Variants in PRKN observed in about 807,000 individuals in gnomAD.
The protein encoded by PRKN is E3 ubiquitin-protein ligase parkin.
A neutral mutation model predicts 59.5 loss-of-function variants in PRKN; 56 were observed. The ratio of observed to expected loss-of-function variants is 0.94; its 90% CI spans 0.76 to 1.18. The LOEUF (loss-of-function observed/expected upper bound fraction) is 1.18. PRKN is among the 50% of genes most tolerant of loss of function. The pLI, the probability that PRKN is intolerant of heterozygous loss-of-function variation, is 0.00. For synonymous variants in PRKN, 250 were observed against 222.1 expected, an observed-to-expected ratio of 1.13 and a Z score of -1.12; for missense variants, 657 against 596.4, an observed-to-expected ratio of 1.10 and a Z score of -1.06.
intron 7 of PRKN, among the ~76,000 whole-genome samples, chr6:161,758,691 T>A (rs778467920): frequency 3.3e-5 from 5 of 152,038 alleles, no homozygotes; most frequent in Admixed American, 2.0e-4. Flanking sequence ...TAAACCAACA[T>A]TAGCCATTTA....
At chr6:161,851,806 G>A (rs919083534) in intron 6 of PRKN, among the ~76,000 whole-genome samples, 2 of 151,490 alleles carry the variant, frequency 1.3e-5, no homozygotes, top group African/African-American at 4.8e-5. Context: ...GTTACTGTGG[G>A]CCAGGTGCAG....
intron 5 of PRKN, among the ~76,000 whole-genome samples, chr6:161,990,821 T>C (rs1307984557): frequency 1.3e-5 from 2 of 152,148 alleles, no homozygotes; most frequent in Admixed American, 1.3e-4. Context: ...ATCAAAGACA[T>C]GGAAAGCCTA....
rs1257822470 is a variant in PRKN at position 161,405,543 on chromosome 6, A to AC, written c.1084-18667dup. ...TAGTGACCCAAGATCGTGCCATTGC[A>AC]CCCCACTCCAGCCTGGGTGACAAAG... is the stretch of plus-strand genomic sequence containing the variant. On this transcript the variant is annotated intron_variant, in intron 9 of 11. Coordinates refer to ENST00000366898, the MANE Select transcript of PRKN (RefSeq NM_004562.3). The surrounding 1 kb of genome is among the most constrained non-coding windows in gnomAD (Gnocchi z 5.1). Among the ~76,000 whole-genome samples the AC allele has an allele frequency of 2.0e-5, 3 of 152,004 alleles. No homozygotes were observed. The highest frequency in any genetic ancestry group is 7.2e-5 in the African/African-American group (3 of 41,426).
At chr6:161,874,064 T>TATTATATGTAAAATATATATAA (rs1288791886) in intron 6 of PRKN, among the ~76,000 whole-genome samples, 36 of 14,652 alleles carry the variant, frequency 2.5e-3, no homozygotes, top group African/African-American at 9.6e-3. Context: ...ATATAATATA[T>TATTATATGTAAAATATATATAA]AATATATATT....
At chr6:161,883,550 A>C (rs1795022282) in intron 6 of PRKN, among the ~76,000 whole-genome samples, 1 of 152,094 alleles carries the variant, frequency 6.6e-6, no homozygotes, top group South Asian at 2.1e-4. Context: ...GAAACACAAC[A>C]CTGCAGACTG....
chr6:162,088,558 C>T (rs145004075), intron 4 of PRKN, among the ~76,000 whole-genome samples: 1 of 152,076 alleles, frequency 6.6e-6, no homozygotes, highest in Non-Finnish European at 1.5e-5. Context: ...AAAGAGATTA[C>T]AATCTGGATC....
chr6:162,380,998 C>T (rs1373271326), intron 2 of PRKN, among the ~76,000 whole-genome samples: 1 of 152,104 alleles, frequency 6.6e-6, no homozygotes, highest in Non-Finnish European at 1.5e-5. Flanking sequence ...GCCATGGATT[C>T]AGCCAGACTT....
rs920069851 is a variant in PRKN at position 161,890,753 on chromosome 6, G to T, written c.734+82549C>A. On this transcript the variant is annotated intron_variant, in intron 6 of 11. Coordinates refer to ENST00000366898, the MANE Select transcript of PRKN (RefSeq NM_004562.3). ...AACAGAATTCTACATTCCAGTCAAT[G>T]AATCTACAAGACAATTGGGAAAGGA... 3.3e-5 allele frequency among the ~76,000 whole-genome samples: 5 copies of T among 152,170 alleles called. No individual in the cohort carries two copies. In the East Asian group the frequency reaches 5.8e-4, roughly 18 times the overall value.
At chr6:162,429,422 G>A (rs1434450012) in intron 2 of PRKN, among the ~76,000 whole-genome samples, 1 of 152,150 alleles carries the variant, frequency 6.6e-6, no homozygotes, top group African/African-American at 2.4e-5. Flanking sequence ...CAGTGAAAGA[G>A]GAACTCAAGA....
intron 6 of PRKN, among the ~76,000 whole-genome samples, chr6:161,947,218 G>C (rs1447734554): frequency 6.6e-6 from 1 of 152,132 alleles, no homozygotes; most frequent in Non-Finnish European, 1.5e-5. Flanking sequence ...GATGTAGAAA[G>C]ATTCAGAACA....
At chr6:162,376,761 G>A (rs1490760561) in intron 2 of PRKN, among the ~76,000 whole-genome samples, 1 of 116,828 alleles carries the variant, frequency 8.6e-6, no homozygotes, top group Non-Finnish European at 1.8e-5. Flanking sequence ...CGGAGAGTGA[G>A]AGGGAAAGGG....
At chr6:162,082,144 G>T (rs981881765) in intron 4 of PRKN, among the ~76,000 whole-genome samples, 1 of 152,040 alleles carries the variant, frequency 6.6e-6, no homozygotes, top group African/African-American at 2.4e-5. Context: ...CTGGTTGGGG[G>T]TTGTTGAATC....
intron 1 of PRKN, among the ~76,000 whole-genome samples, chr6:162,657,021 T>C (rs963300450): frequency 2.1e-4 from 32 of 152,340 alleles, no homozygotes; most frequent in African/African-American, 7.7e-4. Context: ...CCTGCCAACT[T>C]GCCATAAGTT....
intron 2 of PRKN, among the ~76,000 whole-genome samples, chr6:162,302,974 ACAC>A (rs1782031335): frequency 6.6e-6 from 1 of 150,996 alleles, no homozygotes; most frequent in African/African-American, 2.4e-5. Context: ...ACACACACAC[ACAC>A]ACACACACAC....
At chr6:161,888,670 A>G (rs1209628746) in intron 6 of PRKN, among the ~76,000 whole-genome samples, 2 of 152,182 alleles carry the variant, frequency 1.3e-5, no homozygotes, top group African/African-American at 4.8e-5. Context: ...ATAACTGCCC[A>G]TAATCTTCAT....
intron 9 of PRKN, among the ~76,000 whole-genome samples, chr6:161,464,241 C>A (rs956436560): frequency 6.6e-6 from 1 of 152,116 alleles, no homozygotes; most frequent in Non-Finnish European, 1.5e-5. Flanking sequence ...CTTATACTCC[C>A]GACCTCAGGT....
chr6:162,692,420 GT>G (rs1777811529), intron 1 of PRKN, among the ~76,000 whole-genome samples: 1 of 152,204 alleles, frequency 6.6e-6, no homozygotes, highest in Non-Finnish European at 1.5e-5. Context: ...ACACTAGACA[GT>G]TTTATGCTAA....
chr6:162,494,104 T>TAA (rs1792943545), intron 1 of PRKN, among the ~76,000 whole-genome samples: 1 of 152,196 alleles, frequency 6.6e-6, no homozygotes, highest in Non-Finnish European at 1.5e-5. Flanking sequence ...CTGGACTACA[T>TAA]TTCCCAGAAT....
intron 5 of PRKN, among the ~76,000 whole-genome samples, chr6:162,018,405 C>T (rs6455795): frequency 0.28 from 41,953 of 152,036 alleles, 6,474 homozygotes; most frequent in East Asian, 0.54. Flanking sequence ...GTGCTCATAT[C>T]CCATTCTTGG....
Sources: allele counts gnomAD v4.1 joint callset (sites outside exome capture counted in the v4.1 genomes callset), GRCh38; gene constraint gnomAD v4.1.1; non-coding constraint Gnocchi (gnomAD v3.1); transcripts MANE v1.5; gene names NCBI Gene and HGNC (gene_info 2026-07-23, HGNC 2026-07-21).